CYRIB: variants seen among roughly 807,000 people sequenced by gnomAD.
CYRIB encodes CYFIP related Rac1 interactor B.
In CYRIB, 8 loss-of-function variants were observed where a neutral mutation model predicts 44.2. That is an observed-to-expected ratio of 0.18 (90% CI 0.11 to 0.33). The LOEUF (loss-of-function observed/expected upper bound fraction) is 0.33. CYRIB is among the 10% of genes least tolerant of loss of function. The pLI is 1.00. For synonymous variants in CYRIB, 131 were observed against 127.2 expected, an observed-to-expected ratio of 1.03 and a Z score of -0.20; for missense variants, 185 against 382.8, an observed-to-expected ratio of 0.48 and a Z score of 4.31.
chr8:129,989,608 G>A (rs1219884566), intron 1 of CYRIB, among the ~76,000 whole-genome samples: 4 of 151,436 alleles, frequency 2.6e-5, no homozygotes, highest in Non-Finnish European at 5.9e-5. Context: ...GCCTCAGGAC[G>A]TGTTCAGGAC....
intron 1 of CYRIB, among the ~76,000 whole-genome samples, chr8:129,924,293 G>GC: frequency 1.2e-5 from 1 of 82,422 alleles, no homozygotes; most frequent in Non-Finnish European, 2.3e-5. Flanking sequence ...AAAAAAACCG[G>GC]GGGGGGGGGG....
At chr8:130,011,391 C>T (rs564385368) in intron 1 of CYRIB, among the ~76,000 whole-genome samples, 12 of 152,110 alleles carry the variant, frequency 7.9e-5, no homozygotes, top group East Asian at 5.8e-4. Flanking sequence ...TGTGGTGGTA[C>T]GCGCCTGTAA....
rs1591986669 is a variant in CYRIB at position 129,992,573 on chromosome 8, G to C, written c.-295-21578C>G. On this transcript the variant is annotated intron_variant, in intron 1 of 14. Transcript: ENST00000401979. ...CTGAGATGAAGGACGCACAGACCTT[G>C]TTTTCCAAGAGCCTAAAATCCCTAA... Among the ~76,000 whole-genome samples the C allele has an allele frequency of 1.3e-5, 2 of 152,278 alleles. 1 individual carries two copies.
chr8:129,953,864 G>T (rs762775765), intron 2 of CYRIB, among the ~76,000 whole-genome samples: 1 of 152,200 alleles, frequency 6.6e-6, no homozygotes, highest in Non-Finnish European at 1.5e-5. Context: ...CCTAGTATTT[G>T]AAATACAGAG....
chr8:129,884,933 CTGGCCGGTAGTCTG>C (rs2062153282), intron 2 of CYRIB, among the ~76,000 whole-genome samples: 1 of 152,186 alleles, frequency 6.6e-6, no homozygotes, highest in Admixed American at 6.5e-5. Context: ...CACGCCCTTC[CTGGCCGGTAGTCTG>C]TGGAATGTAT....
intron 1 of CYRIB, among the ~76,000 whole-genome samples, chr8:129,910,613 C>T (rs2077491775): frequency 6.7e-6 from 1 of 149,954 alleles, no homozygotes; most frequent in South Asian, 2.1e-4. Context: ...GACAAGACAA[C>T]ATAGCAAGAC....
intron 1 of CYRIB, among the ~76,000 whole-genome samples, chr8:129,936,217 C>G (rs1242611644): frequency 2.0e-5 from 3 of 152,086 alleles, no homozygotes; most frequent in Non-Finnish European, 2.9e-5. Context: ...GGTTCAAATG[C>G]CAGTCTTCAA....
At chr8:129,905,795 A>G (rs2075012693) in intron 1 of CYRIB, among the ~76,000 whole-genome samples, 1 of 152,200 alleles carries the variant, frequency 6.6e-6, no homozygotes, top group South Asian at 2.1e-4. Flanking sequence ...ATAAATCAAG[A>G]CACAATAAAA....
intron 2 of CYRIB, among the ~76,000 whole-genome samples, chr8:129,955,009 T>C (rs1297749000): frequency 6.6e-6 from 1 of 152,170 alleles, no homozygotes; most frequent in Non-Finnish European, 1.5e-5. Context: ...ATCCCAGCAC[T>C]CTGAGAAGCT....
At chr8:129,932,997 G>A (rs1233585622) in intron 1 of CYRIB, among the ~76,000 whole-genome samples, 2 of 152,170 alleles carry the variant, frequency 1.3e-5, no homozygotes, top group Non-Finnish European at 2.9e-5. Context: ...CTGGGCTGGT[G>A]GAAGGAGGGG....
chr8:129,932,830 G>A (rs1484063776), intron 1 of CYRIB, among the ~76,000 whole-genome samples: 1 of 152,174 alleles, frequency 6.6e-6, no homozygotes, highest in African/African-American at 2.4e-5. Context: ...ATCTGAGAGT[G>A]ATCCTAGTGG....
chr8:129,965,647 T>A (rs929157004), intron 2 of CYRIB, among the ~76,000 whole-genome samples: 2 of 151,460 alleles, frequency 1.3e-5, no homozygotes, highest in African/African-American at 4.8e-5. Flanking sequence ...ATACAAAAAA[T>A]TAACCGGGCG....
exon 12 of CYRIB, chr8:129,841,066 C>A (rs2036080575): frequency 6.6e-6 from 1 of 152,130 alleles, no homozygotes; most frequent in Non-Finnish European, 1.5e-5. Flanking sequence ...TAGTTTTCTA[C>A]CACTAGTGAG....
chr8:129,980,594 G>A (rs1434744370), intron 1 of CYRIB, among the ~76,000 whole-genome samples: 1 of 149,592 alleles, frequency 6.7e-6, no homozygotes, highest in Non-Finnish European at 1.5e-5. Flanking sequence ...AACCTGGGAG[G>A]CGGAGGTTGC....
intron 4 of CYRIB, 90 bp from the exon 7 acceptor site, chr8:129,862,424 A>C: frequency 1.0e-6 from 1 of 994,528 alleles, no homozygotes; most frequent in Non-Finnish European, 1.5e-6. Context: ...CAAACATAGG[A>C]AACACTGGTA....
At chr8:130,001,975 A>G (rs1229655090) in intron 1 of CYRIB, among the ~76,000 whole-genome samples, 3 of 152,324 alleles carry the variant, frequency 2.0e-5, no homozygotes, top group East Asian at 1.9e-4. Flanking sequence ...GGAGATGTCT[A>G]TGGTGGCTGT....
chr8:129,842,294 G>C, intron 11 of CYRIB, 89 bp from the exon 14 acceptor site: 1 of 938,794 alleles, frequency 1.1e-6, no homozygotes, highest in Non-Finnish European at 1.6e-6. Flanking sequence ...TGGAGAATTG[G>C]TCTCAGCAAA....
chr8:129,944,333 A>T (rs192923391), upstream of CYRIB, among the ~76,000 whole-genome samples: 9 of 152,166 alleles, frequency 5.9e-5, no homozygotes, highest in Non-Finnish European at 1.5e-5. Context: ...CCTGATGCAG[A>T]ATCTGCAAGT....
chr8:129,903,587 T>C (rs998895653), intron 1 of CYRIB, among the ~76,000 whole-genome samples: 1 of 152,206 alleles, frequency 6.6e-6, no homozygotes, highest in Non-Finnish European at 1.5e-5. Flanking sequence ...GACAACCCAG[T>C]TGTCACCGTC....
Sources: allele counts gnomAD v4.1 joint callset (sites outside exome capture counted in the v4.1 genomes callset), GRCh38; gene constraint gnomAD v4.1.1; transcripts MANE v1.5; gene names NCBI Gene and HGNC (gene_info 2026-07-23, HGNC 2026-07-21).